The following FGF13 variants were observed in gnomAD, a reference collection of about 807,000 sequenced individuals.
FGF13 encodes fibroblast growth factor homologous factor 2.
In FGF13, 2 loss-of-function variants were observed where a neutral mutation model predicts 19.5. The observed-to-expected ratio is 0.10, with a 90% CI of 0.04 to 0.32. The LOEUF (loss-of-function observed/expected upper bound fraction) is 0.32, where lower values mean the gene tolerates loss of function less well. Ranked by LOEUF, FGF13 falls within the 10% of genes least tolerant of loss-of-function variation. FGF13 has a pLI of 1.00. For missense variants in FGF13, 113 were observed against 192.7 expected, an observed-to-expected ratio of 0.59 and a Z score of 2.45; for synonymous variants, 72 against 76.9, an observed-to-expected ratio of 0.94 and a Z score of 0.33.
At chrX:138,896,919 G>A (rs959389366) in intron 1 of FGF13, among the ~76,000 whole-genome samples, 2 of 111,853 alleles carry the variant, frequency 1.8e-5, no homozygotes, top group African/African-American at 6.5e-5. Flanking sequence ...GCAGATGACG[G>A]TGAGCACCTA....
intron 1 of FGF13, among the ~76,000 whole-genome samples, chrX:138,722,677 G>A (rs774602859): frequency 2.7e-5 from 3 of 111,181 alleles, no homozygotes; most frequent in Non-Finnish European, 5.7e-5. Context: ...TTTCTTAAGT[G>A]TTGTACTGAA....
chrX:139,046,351 C>G (rs2092287268), intron 1 of FGF13, among the ~76,000 whole-genome samples: 1 of 111,586 alleles, frequency 9.0e-6, no homozygotes, highest in Non-Finnish European at 1.9e-5. Context: ...CGACGCCCCA[C>G]CTCCATCATT....
chrX:138,840,331 T>C lies in FGF13; in HGVS notation c.217+17181A>G, dbSNP rs890003952. Among the ~76,000 whole-genome samples, 6 of 111,860 alleles carry C rather than the reference T, an allele frequency of 5.4e-5. 1 individual carries two copies. The highest frequency in any genetic ancestry group is 4.8e-4 in the Admixed American group (5 of 10,525). On this transcript the variant is annotated intron_variant, in intron 3 of 6. Transcript: ENST00000436198. The stretch of plus-strand genomic sequence containing the variant: ...AGTTTGAAAACCTTTAGACTTTCAG[T>C]TGGATAAACAAACATCCCGCCATGG...
intron 1 of FGF13, among the ~76,000 whole-genome samples, chrX:138,978,551 C>T (rs889669179): frequency 1.3e-4 from 15 of 112,401 alleles, no homozygotes; most frequent in Non-Finnish European, 1.9e-5. Flanking sequence ...CGCGAGCCAC[C>T]GCGCCCGGCC....
At chrX:138,805,571 A>C (rs1241068824) in intron 3 of FGF13, among the ~76,000 whole-genome samples, 1 of 111,820 alleles carries the variant, frequency 8.9e-6, no homozygotes, top group East Asian at 2.8e-4. Context: ...ATCATCTGCT[A>C]AGTAGTTGGA....
At chrX:138,908,629 A>T (rs943273550) in intron 1 of FGF13, among the ~76,000 whole-genome samples, 1 of 111,164 alleles carries the variant, frequency 9.0e-6, no homozygotes, top group Non-Finnish European at 1.9e-5. Flanking sequence ...ATTAGTTAAA[A>T]AAACACACAA....
chrX:138,832,881 G>A (rs34302263), intron 3 of FGF13, among the ~76,000 whole-genome samples: 1 of 111,696 alleles, frequency 9.0e-6, no homozygotes, highest in East Asian at 2.8e-4. Context: ...TCTGCATATG[G>A]CTAGTCATTT....
intron 1 of FGF13, among the ~76,000 whole-genome samples, chrX:139,180,457 C>T (rs1416290745): frequency 8.9e-6 from 1 of 112,056 alleles, no homozygotes; most frequent in Non-Finnish European, 1.9e-5. Flanking sequence ...TGTAAGAATT[C>T]TATCATCCAG....
chrX:139,095,423 TG>T (rs1358047088), intron 1 of FGF13, among the ~76,000 whole-genome samples: 3 of 111,621 alleles, frequency 2.7e-5, no homozygotes, highest in Non-Finnish European at 5.6e-5. Flanking sequence ...TGTGGAACAG[TG>T]TGGAGCCGGG....
chrX:138,676,289 AG>A (rs1288130974), intron 3 of FGF13, among the ~76,000 whole-genome samples: 1 of 110,833 alleles, frequency 9.0e-6, no homozygotes, highest in Admixed American at 9.6e-5. Flanking sequence ...CAAGCCTACA[AG>A]GTCTGTTAGC....
intron 1 of FGF13, among the ~76,000 whole-genome samples, chrX:139,001,694 T>C (rs1350725242): frequency 8.9e-6 from 1 of 111,821 alleles, no homozygotes. Flanking sequence ...AAACAACAGA[T>C]GCTGGAGAGG....
At chrX:138,780,465 G>A (rs1452621952) in intron 3 of FGF13, among the ~76,000 whole-genome samples, 2 of 89,838 alleles carry the variant, frequency 2.2e-5, no homozygotes, top group African/African-American at 9.1e-5. Flanking sequence ...AAAGGATGGA[G>A]GAAGATCTAC....
intron 3 of FGF13, among the ~76,000 whole-genome samples, chrX:138,670,252 A>G (rs2089597852): frequency 8.9e-6 from 1 of 112,116 alleles, no homozygotes; most frequent in Non-Finnish European, 1.9e-5. Context: ...AATTTACAAT[A>G]ATTTAAAAAC....
intron 1 of FGF13, among the ~76,000 whole-genome samples, chrX:139,121,846 G>C (rs1390822480): frequency 1.8e-5 from 2 of 111,451 alleles, no homozygotes; most frequent in East Asian, 5.7e-4. Flanking sequence ...GGCCAGTCAG[G>C]AGACAGAGGA....
At chrX:138,747,312 T>G (rs2090363487) in intron 3 of FGF13, among the ~76,000 whole-genome samples, 1 of 111,324 alleles carries the variant, frequency 9.0e-6, no homozygotes, top group Non-Finnish European at 1.9e-5. Flanking sequence ...CAGCAATCGC[T>G]TTTTTCATGA....
intron 1 of FGF13, among the ~76,000 whole-genome samples, chrX:138,943,111 G>A (rs2091766655): frequency 9.0e-6 from 1 of 111,665 alleles, no homozygotes; most frequent in Non-Finnish European, 1.9e-5. Context: ...ATACTTTTTT[G>A]TACCATGGGA....
At chrX:138,775,721 C>T (rs2090582624) in intron 3 of FGF13, among the ~76,000 whole-genome samples, 1 of 112,480 alleles carries the variant, frequency 8.9e-6, no homozygotes, top group Non-Finnish European at 1.9e-5. Context: ...CTTTGTATTC[C>T]TTTCCCATCG....
At chrX:138,975,857 T>C (rs1452071716) in intron 1 of FGF13, among the ~76,000 whole-genome samples, 1 of 111,398 alleles carries the variant, frequency 9.0e-6, no homozygotes, top group East Asian at 2.8e-4. Context: ...GGTCACTATG[T>C]TGTGTTTTAG....
At chrX:138,860,466 C>T (rs1367696957) in intron 2 of FGF13, among the ~76,000 whole-genome samples, 1 of 111,546 alleles carries the variant, frequency 9.0e-6, no homozygotes, top group African/African-American at 3.3e-5. Flanking sequence ...TCTTTTTTCC[C>T]TGGCTTAATG....
Sources: gnomAD v4.1 joint callset for allele counts (sites outside exome capture counted in the v4.1 genomes callset) on GRCh38, gnomAD v4.1.1 for gene constraint, MANE v1.5 for transcripts, NCBI Gene and HGNC (gene_info 2026-07-23, HGNC 2026-07-21) for gene names.